ADAM32: variants seen among roughly 807,000 people sequenced by gnomAD.
ADAM32 encodes ADAM metallopeptidase domain 32, also known as disintegrin and metalloproteinase domain-containing protein 32.
ADAM32 carries 89 observed loss-of-function variants against 114.9 expected under a neutral mutation model. The observed-to-expected ratio is 0.77, with a 90% CI of 0.65 to 0.92. The LOEUF (loss-of-function observed/expected upper bound fraction) is 0.92. Among genes scored for constraint, ADAM32 ranks in the 40% least tolerant of loss-of-function variants. The pLI, the probability that ADAM32 is intolerant of heterozygous loss-of-function variation, is 0.00. For missense variants in ADAM32, 870 were observed against 932.8 expected (o/e 0.93, Z 0.88); for synonymous variants, 285 against 307.5 (o/e 0.93, Z 0.77).
chr8:39,209,226 G>C (rs375254374), intron 11 of ADAM32, among the ~76,000 whole-genome samples: 12 of 151,892 alleles, frequency 7.9e-5, no homozygotes, highest in African/African-American at 2.9e-4. Context: ...GTTTGTGCTC[G>C]TGAATTCTTC....
Position 39,284,862 on chromosome 8 carries a change from T to C in ADAM32, c.*63T>C, listed in dbSNP as rs1813679413. 1.9e-6 allele frequency: 3 copies of C among 1,586,410 alleles called. No individual in the cohort carries two copies. Among genetic ancestry groups the C allele is most frequent in the Non-Finnish European group, 1.7e-6 (2 of 1,156,058 alleles). On this transcript the variant is annotated 3_prime_UTR_variant, in exon 25 of 25. Transcript: ENST00000379907. ...TCGCTAAGAAATGAAAATTCTGTCT[T>C]TCCTTCCGTGGTCACAGCTGAAAGA...
intron 2 of ADAM32, among the ~76,000 whole-genome samples, chr8:39,129,346 T>C (rs1162709230): frequency 6.6e-6 from 1 of 152,202 alleles, no homozygotes; most frequent in East Asian, 1.9e-4. Flanking sequence ...AGTGAGGTTT[T>C]TGTAAAGGCC....
intron 10 of ADAM32, 149 bp downstream of exon 10, chr8:39,170,146 G>A: frequency 1.8e-6 from 1 of 543,788 alleles, no homozygotes; most frequent in Non-Finnish European, 3.1e-6. Context: ...GTGTGTAGAA[G>A]GAAGAATATT....
intron 10 of ADAM32, among the ~76,000 whole-genome samples, chr8:39,177,407 T>G (rs1805596381): frequency 6.6e-6 from 1 of 152,178 alleles, no homozygotes; most frequent in African/African-American, 2.4e-5. Context: ...GGGAGATGGG[T>G]ATCTTGAAGG....
At chr8:39,190,215 T>C (rs12156015) in intron 11 of ADAM32, among the ~76,000 whole-genome samples, 72,121 of 152,050 alleles carry the variant, frequency 0.47, 18,323 homozygotes, top group South Asian at 0.69. Context: ...TTGTTACAAA[T>C]GAAAAAGTTT....
intron 2 of ADAM32, among the ~76,000 whole-genome samples, chr8:39,121,768 CA>C (rs1364567551): frequency 2.0e-5 from 3 of 152,066 alleles, no homozygotes; most frequent in African/African-American, 7.2e-5. Flanking sequence ...ACCCCAGGAA[CA>C]AGGCTGTCAC....
At chr8:39,179,546 T>A (rs1406768700) in intron 10 of ADAM32, among the ~76,000 whole-genome samples, 1 of 152,120 alleles carries the variant, frequency 6.6e-6, no homozygotes, top group Admixed American at 6.5e-5. Context: ...GGCTCCACAC[T>A]CTCTGTGCTT....
intron 10 of ADAM32, among the ~76,000 whole-genome samples, chr8:39,180,872 T>C (rs1419345550): frequency 2.0e-5 from 3 of 152,168 alleles, no homozygotes; most frequent in Admixed American, 6.5e-5. Context: ...TCTGTCTAGC[T>C]CAGGGTTTGT....
At chr8:39,120,015 A>G (rs1423321300) in intron 2 of ADAM32, among the ~76,000 whole-genome samples, 1 of 152,226 alleles carries the variant, frequency 6.6e-6, no homozygotes, top group Admixed American at 6.5e-5. Flanking sequence ...TCATGAAAGG[A>G]TACAACAAGA....
Position 39,246,275 on chromosome 8 carries a change from A to G in ADAM32, c.1902+109A>G, listed in dbSNP as rs1339548526. ...ACTACCATGTGACAGACTCTGTTGC[A>G]TCTAGCTTCAATTGAGAGCTGAATT... On this transcript the variant is annotated intron_variant, in intron 17 of 24. Coordinates refer to ENST00000379907, the MANE Select transcript of ADAM32 (RefSeq NM_145004.7). The G allele has an allele frequency of 1.7e-5, 14 of 845,222 alleles. No homozygotes were observed. The Admixed American group carries it at 2.0e-4, about 12-fold the overall frequency. The allele number at this position is 845,222 out of a possible 1,614,324, so 52.4% of individuals were successfully genotyped here.
At chr8:39,266,209 C>T (rs1812342920) in intron 19 of ADAM32, among the ~76,000 whole-genome samples, 1 of 152,158 alleles carries the variant, frequency 6.6e-6, no homozygotes, top group Non-Finnish European at 1.5e-5. Flanking sequence ...ATGTCAACAT[C>T]TCTAGTGAGG....
intron 9 of ADAM32, chr8:39,168,416 G>C (rs1027733738): frequency 1.3e-5 from 2 of 152,148 alleles, no homozygotes; most frequent in Non-Finnish European, 2.9e-5. Flanking sequence ...GGGAGTGACT[G>C]CCCTCAGCAT....
chr8:39,123,704 C>CTTTT (rs34747712), intron 2 of ADAM32, among the ~76,000 whole-genome samples: 2 of 132,172 alleles, frequency 1.5e-5, no homozygotes, highest in Admixed American at 7.8e-5. Context: ...ATTTTCTTTC[C>CTTTT]TTTTTTTTTT....
At chr8:39,145,194 T>A (rs1468814962) in intron 3 of ADAM32, among the ~76,000 whole-genome samples, 3 of 152,098 alleles carry the variant, frequency 2.0e-5, no homozygotes, top group Admixed American at 2.0e-4. Flanking sequence ...GAACATGGAT[T>A]GGAAGAGTTA....
At chr8:39,269,655 C>T (rs1321491316) in intron 19 of ADAM32, among the ~76,000 whole-genome samples, 4 of 152,116 alleles carry the variant, frequency 2.6e-5, no homozygotes, top group South Asian at 4.1e-4. Context: ...GTAGCTCTTG[C>T]TGCGTGAATT....
chr8:39,261,349 T>C (rs4733912), intron 19 of ADAM32, among the ~76,000 whole-genome samples: 42,363 of 152,018 alleles, frequency 0.28, 6,228 homozygotes, highest in African/African-American at 0.36. Context: ...TTATTTCACT[T>C]AACAACATAC....
intron 10 of ADAM32, among the ~76,000 whole-genome samples, chr8:39,182,215 T>G (rs541204168): frequency 1.6e-4 from 25 of 152,290 alleles, no homozygotes; most frequent in African/African-American, 4.8e-4. Context: ...AGATGGGCTT[T>G]TTGATAAAAG....
chr8:39,255,541 C>T (rs73608627), intron 18 of ADAM32, among the ~76,000 whole-genome samples: 21,934 of 151,874 alleles, frequency 0.14, 1,730 homozygotes, highest in Middle Eastern at 0.25. Context: ...TGAGAGTTAC[C>T]TATTCATGTC....
At chr8:39,207,599 A>G (rs1230901882) in intron 11 of ADAM32, among the ~76,000 whole-genome samples, 3 of 152,216 alleles carry the variant, frequency 2.0e-5, no homozygotes, top group African/African-American at 7.2e-5. Flanking sequence ...TGGAATATGC[A>G]CTACATTGTC....
Sources: allele counts gnomAD v4.1 joint callset (sites outside exome capture counted in the v4.1 genomes callset), GRCh38; gene constraint gnomAD v4.1.1; transcripts MANE v1.5; gene names NCBI Gene and HGNC (gene_info 2026-07-23, HGNC 2026-07-21).